The following HSPA9 variants were observed in gnomAD, a reference collection of about 807,000 sequenced individuals.
The protein encoded by HSPA9 is heat shock protein family A (Hsp70) member 9.
Under a neutral mutation model 81.5 loss-of-function variants are expected in HSPA9, and 28 were observed. That is an observed-to-expected ratio of 0.34 (90% confidence interval 0.25 to 0.47). HSPA9 has a LOEUF of 0.47. Ranked by LOEUF, HSPA9 falls within the 20% of genes least tolerant of loss-of-function variation. The pLI is 1.00. For synonymous variants in HSPA9, 293 were observed against 290.4 expected (o/e 1.01, Z -0.09); for missense variants, 678 against 838.0 (o/e 0.81, Z 2.36).
intron 10 of HSPA9, 148 bp downstream of exon 10, chr5:138,561,432 A>C (rs1750657926): frequency 2.8e-6 from 2 of 707,004 alleles, no homozygotes; most frequent in Admixed American, 2.2e-5. Context: ...TAACAAAACA[A>C]ACAGAAAAGA....
intron 3 of HSPA9, among the ~76,000 whole-genome samples, chr5:138,571,960 C>CTTTTTTTTTT (rs10694029): frequency 1.8e-4 from 18 of 100,444 alleles, no homozygotes; most frequent in South Asian, 3.0e-4. Context: ...CTGCGCCTGG[C>CTTTTTTTTTT]TTTTTTTTTT....
intron 3 of HSPA9, 57 bp downstream of exon 3, chr5:138,573,706 A>C: frequency 1.9e-6 from 2 of 1,062,474 alleles, no homozygotes; most frequent in Admixed American, 3.4e-5. Context: ...ACTAAGGAAA[A>C]GAGCACAGAA....
intron 5 of HSPA9, among the ~76,000 whole-genome samples, chr5:138,568,117 G>A (rs577692036): frequency 2.0e-5 from 3 of 151,914 alleles, no homozygotes; most frequent in African/African-American, 4.8e-5. Flanking sequence ...CCTGGGAGGC[G>A]GAGGTTGCAG....
At chr5:138,568,829 C>T in intron 5 of HSPA9, 96 bp downstream of exon 5, 1 of 1,313,216 alleles carries the variant, frequency 7.6e-7, no homozygotes, top group Non-Finnish European at 1.1e-6. Context: ...AAAGGGACCA[C>T]AGATTCATCT....
At chr5:138,560,222 C>T in intron 10 of HSPA9, 131 bp from the exon 11 acceptor site, 1 of 720,714 alleles carries the variant, frequency 1.4e-6, no homozygotes, top group Non-Finnish European at 2.5e-6. Context: ...AATGTTTATT[C>T]AAATAACCAT....
At chr5:138,561,111 A>G (rs1310526128) in intron 10 of HSPA9, 1 of 486,378 alleles carries the variant, frequency 2.1e-6, no homozygotes. Flanking sequence ...ATCATTGCAC[A>G]AATCTTTGTC....
chr5:138,559,283 T>C (rs1169757142), intron 11 of HSPA9, among the ~76,000 whole-genome samples: 2 of 151,992 alleles, frequency 1.3e-5, no homozygotes, highest in East Asian at 3.9e-4. Context: ...TTTAACTTTT[T>C]GGAGAGAGGG....
intron 10 of HSPA9, chr5:138,560,908 AT>A (rs10652442): frequency 0.069 from 22,809 of 329,088 alleles, 8 homozygotes; most frequent in Non-Finnish European, 0.081. Context: ...TTCCAGGTTC[AT>A]TTTTTTTTTT....
intron 16 of HSPA9, 88 bp from the exon 17 acceptor site, chr5:138,556,202 A>G (rs1161085821): frequency 5.4e-6 from 6 of 1,103,902 alleles, no homozygotes; most frequent in South Asian, 1.2e-5. Flanking sequence ...AGGGACCCAC[A>G]TATGTCCTCA....
At chr5:138,571,444 C>T (rs1053623708) in intron 3 of HSPA9, among the ~76,000 whole-genome samples, 4 of 151,912 alleles carry the variant, frequency 2.6e-5, no homozygotes, top group African/African-American at 4.8e-5. Flanking sequence ...CTCAGCCTCC[C>T]GAAGTGTTGC....
intron 9 of HSPA9, 28 bp downstream of exon 9, chr5:138,566,598 A>G: frequency 2.7e-6 from 4 of 1,470,142 alleles, no homozygotes; most frequent in Non-Finnish European, 3.8e-6. Context: ...AATATCCATC[A>G]AGACTGCTCG....
chr5:138,567,696 T>A lies in HSPA9; in HGVS notation c.562A>T (p.Asn188Tyr). The change falls in exon 6 of 17, where the codon AAT becomes TAT. Residue 188 changes from asparagine (N) to tyrosine (Y), a missense_variant. By Grantham distance (143) the Asn-to-Tyr change is moderately radical. Transcript: ENST00000297185. ...TAAGCTGGGACTGTGATCACAGCAT[T>A]TTTTGCTGTGTGCCCCAAGTAATTT... ...AENYLGHTAK[N>Y]AVITVPAYFN... The A allele has an allele frequency of 6.2e-7, 1 of 1,613,648 alleles. No homozygotes were observed. The highest frequency in any genetic ancestry group is 8.5e-7 in the Non-Finnish European group (1 of 1,179,656).
In HSPA9 at chr5:138,556,089, C is replaced by A. The variant is rs778180345; in HGVS notation, c.1988G>T (p.Gly663Val). 2 of 1,613,526 alleles carry A rather than the reference C, an allele frequency of 1.2e-6. No homozygotes were observed. Among genetic ancestry groups the A allele is most frequent in the South Asian group, 2.2e-5 (2 of 91,078 alleles). The change falls in exon 17 of 17, where the codon GGA becomes GTA. Residue 663 changes from glycine (G) to valine (V), a missense_variant. Gly to Val is a moderately radical substitution (Grantham distance 109). Coordinates refer to ENST00000297185, the MANE Select transcript of HSPA9 (RefSeq NM_004134.7). Reference protein sequence around the residue: ...KKMASEREGSGSSGTGEQKED... With the variant: ...KKMASEREGSVSSGTGEQKED... ...CTTTTGTTCCCCAGTGCCAGAACTT[C>A]CAGAGCCTTCTCGCTCAGATGCCAT...
chr5:138,571,165 GAGTAAGTTTGT>G, intron 3 of HSPA9, 24 bp from the exon 4 acceptor site: 1 of 1,610,854 alleles, frequency 6.2e-7, no homozygotes, highest in South Asian at 1.1e-5. Context: ...ATGTGATAGA[GAGTAAGTTTGT>G]AGTTATCACT....
chr5:138,570,106 G>A (rs1750845935), intron 4 of HSPA9, among the ~76,000 whole-genome samples: 2 of 151,902 alleles, frequency 1.3e-5, no homozygotes, highest in South Asian at 2.1e-4. Flanking sequence ...TCGAACTCCT[G>A]AGCTCACCTC....
intron 14 of HSPA9, 101 bp downstream of exon 14, chr5:138,557,301 T>C (rs1272529318): frequency 1.2e-6 from 1 of 829,150 alleles, no homozygotes; most frequent in Non-Finnish European, 2.1e-6. Flanking sequence ...GGGCTTACAG[T>C]GCTGGGATTA....
rs41296461 is a variant in HSPA9 at position 138,555,046 on chromosome 5, A to G, written c.*991T>C. Reference sequence around the variant, plus strand: ...CCTTGGTTTTCATGTTAGAGATCTAAAAACTTTCATGTTAGAGATCTAGAA... The same window carrying G: ...CCTTGGTTTTCATGTTAGAGATCTAGAAACTTTCATGTTAGAGATCTAGAA... On this transcript the variant is annotated 3_prime_UTR_variant, in exon 17 of 17. Coordinates refer to ENST00000297185, the MANE Select transcript of HSPA9 (RefSeq NM_004134.7). 1 of 142,808 alleles carries G rather than the reference A, an allele frequency of 7.0e-6. No homozygotes were observed. Among genetic ancestry groups the G allele is most frequent in the African/African-American group, 3.0e-5 (1 of 32,812 alleles). The allele number at this position is 142,808 out of a possible 1,614,324, so 8.8% of individuals were successfully genotyped here. A position where few individuals can be genotyped will look rare whatever the true frequency, so the allele number is the denominator to read the frequency against.
intron 9 of HSPA9, 110 bp downstream of exon 9, chr5:138,566,516 C>CA: frequency 1.2e-6 from 1 of 841,968 alleles, no homozygotes; most frequent in Non-Finnish European, 2.0e-6. Context: ...AAAAAACAAA[C>CA]AAACAAAAAA....
chr5:138,558,422 C>T (rs2127153431), intron 12 of HSPA9, 131 bp downstream of exon 12: 2 of 727,410 alleles, frequency 2.7e-6, no homozygotes, highest in East Asian at 2.7e-5. Context: ...TATCTAGTTG[C>T]ATCCCTTCTT....
Sources: allele counts gnomAD v4.1 joint callset (sites outside exome capture counted in the v4.1 genomes callset), GRCh38; gene constraint gnomAD v4.1.1; transcripts MANE v1.5; gene names NCBI Gene and HGNC (gene_info 2026-07-23, HGNC 2026-07-21).